Variants in SEL1L2 observed in about 807,000 individuals in gnomAD.
SEL1L2 encodes the protein SEL1L2 adaptor subunit of SYVN1 ubiquitin ligase.
SEL1L2 carries 89 observed loss-of-function variants against 98.8 expected under a neutral mutation model. The ratio of observed to expected loss-of-function variants is 0.90; its 90% CI spans 0.76 to 1.07. The LOEUF (loss-of-function observed/expected upper bound fraction) is 1.07, where lower values mean the gene tolerates loss of function less well. Ranked by LOEUF, SEL1L2 falls within the 50% of genes least tolerant of loss-of-function variation. SEL1L2 has a pLI of 0.00. For synonymous variants in SEL1L2, 262 were observed against 278.5 expected (o/e 0.94, Z 0.59); for missense variants, 788 against 812.0 (o/e 0.97, Z 0.36).
At position 13,990,455 on chromosome 20, in the gene SEL1L2, C is replaced by T. The variant is rs756934890; in HGVS notation, c.58+22G>A. The T allele has an allele frequency of 8.3e-6, 13 of 1,559,334 alleles. No homozygotes were observed. The South Asian group carries it at 1.2e-4, about 15-fold the overall frequency. ...AAAGAGAAGAGACCCTCATAGAGAACTCTAAGGACAAAAAAACTTACTTTT... is the reference window on the plus strand; with the variant it reads ...AAAGAGAAGAGACCCTCATAGAGAATTCTAAGGACAAAAAAACTTACTTTT... On this transcript the variant is annotated intron_variant, in intron 1 of 19. Transcript: ENST00000284951.
chr20:13,949,688 CA>C lies in SEL1L2; in HGVS notation c.114+6387del, dbSNP rs1178121070. 4.8e-3 allele frequency among the ~76,000 whole-genome samples: 655 copies of C among 135,290 alleles called. 7 individuals are homozygous for C. Among genetic ancestry groups the C allele is most frequent in the African/African-American group, 0.018 (626 of 34,854 alleles). The allele number at this position is 135,290 out of a possible 152,430, so 88.8% of individuals were successfully genotyped here. A position where few individuals can be genotyped will look rare whatever the true frequency, so the allele number is the denominator to read the frequency against. ...AAAACAAAAAACAAAAAACAAACAA[CA>C]AAAAAAACCAAACAAACAAAAAAGA... On this transcript the variant is annotated intron_variant, in intron 2 of 19. Coordinates refer to ENST00000284951, the MANE Select transcript of SEL1L2 (RefSeq NM_025229.2).
chr20:13,858,433 C>T (rs1225315355), intron 18 of SEL1L2, among the ~76,000 whole-genome samples: 1 of 152,070 alleles, frequency 6.6e-6, no homozygotes, highest in Non-Finnish European at 1.5e-5. Context: ...TTGACGAGCT[C>T]CGCAAGCTGG....
chr20:13,936,901 G>C (rs961749171), intron 2 of SEL1L2, among the ~76,000 whole-genome samples: 1 of 152,126 alleles, frequency 6.6e-6, no homozygotes, highest in African/African-American at 2.4e-5. Context: ...TCAGTTCTCA[G>C]GAAGAGCAGG....
intron 2 of SEL1L2, among the ~76,000 whole-genome samples, chr20:13,932,210 A>G (rs2049175531): frequency 1.3e-5 from 2 of 152,120 alleles, no homozygotes; most frequent in African/African-American, 4.8e-5. Context: ...AATATTTCCC[A>G]AAAGTCCTTT....
intron 11 of SEL1L2, among the ~76,000 whole-genome samples, 191 bp downstream of exon 11, chr20:13,877,329 T>G (rs1368832912): frequency 6.6e-6 from 1 of 152,040 alleles, no homozygotes; most frequent in South Asian, 2.1e-4. Flanking sequence ...AGATTTTTAA[T>G]TTTTAAATTT....
intron 3 of SEL1L2, among the ~76,000 whole-genome samples, chr20:13,929,010 A>C (rs957543536): frequency 3.3e-5 from 5 of 152,164 alleles, no homozygotes; most frequent in Non-Finnish European, 7.3e-5. Flanking sequence ...ACCCATCAAA[A>C]GGAGATTATT....
intron 18 of SEL1L2, among the ~76,000 whole-genome samples, chr20:13,852,402 A>G (rs1026580041): frequency 1.3e-5 from 2 of 152,152 alleles, no homozygotes; most frequent in Non-Finnish European, 2.9e-5. Context: ...GAAATTCTTG[A>G]ATGCTTCTAG....
At chr20:13,866,901 A>G in intron 14 of SEL1L2, 51 bp from the exon 15 acceptor site, 2 of 1,509,472 alleles carry the variant, frequency 1.3e-6, no homozygotes, top group Non-Finnish European at 1.8e-6. Flanking sequence ...TATTTTTTAT[A>G]TTATAATCTA....
At chr20:13,930,584 C>T (rs947072266) in intron 3 of SEL1L2, among the ~76,000 whole-genome samples, 4 of 152,188 alleles carry the variant, frequency 2.6e-5, no homozygotes, top group African/African-American at 9.7e-5. Flanking sequence ...ATTTCGATGT[C>T]ATATCTAGAG....
intron 18 of SEL1L2, among the ~76,000 whole-genome samples, chr20:13,857,664 T>C (rs776648583): frequency 2.6e-5 from 4 of 152,210 alleles, no homozygotes; most frequent in Non-Finnish European, 4.4e-5. Context: ...ATTTAACACA[T>C]GGAGTGGGGT....
intron 3 of SEL1L2, among the ~76,000 whole-genome samples, chr20:13,919,699 A>G (rs930134630): frequency 2.0e-5 from 3 of 152,208 alleles, no homozygotes; most frequent in Admixed American, 2.0e-4. Flanking sequence ...TGGGTGGATC[A>G]TGAAGTAAGG....
intron 5 of SEL1L2, among the ~76,000 whole-genome samples, chr20:13,891,078 G>A (rs1037143468): frequency 2.0e-5 from 3 of 151,996 alleles, no homozygotes; most frequent in African/African-American, 4.8e-5. Flanking sequence ...GAGAGAGAAA[G>A]GGACAGAGAG....
chr20:13,849,522 G>A lies in SEL1L2; in HGVS notation c.2030C>T (p.Pro677Leu), dbSNP rs1317316945. 6 of 1,613,944 alleles carry A rather than the reference G, an allele frequency of 3.7e-6. No homozygotes were observed. The highest frequency in any genetic ancestry group is 1.1e-5 in the South Asian group (1 of 91,078). ...WDLFVIGLIVPGLILLLRNHH... is the reference protein window; with the variant it reads ...WDLFVIGLIVLGLILLLRNHH... Reference sequence around the variant, plus strand: ...ATTTCTAAGCAACAAAATCAGCCCAGGAACAATGAGGCCAATCACAAATAA... The same window carrying A: ...ATTTCTAAGCAACAAAATCAGCCCAAGAACAATGAGGCCAATCACAAATAA... Residue 677 changes from proline (P) to leucine (L), a missense_variant, in exon 20 of 20, where the codon CCT (proline) becomes CTT (leucine). Coordinates refer to ENST00000284951, the MANE Select transcript of SEL1L2 (RefSeq NM_025229.2).
Position 13,968,365 on chromosome 20 carries a change from TGTGCCTGGCACA to T in SEL1L2, c.59-12246_59-12235del, listed in dbSNP as rs569470999. On this transcript the variant is annotated intron_variant, in intron 1 of 19. Coordinates refer to ENST00000284951, the MANE Select transcript of SEL1L2 (RefSeq NM_025229.2). ...AAGGATAGTTGAATAATTGATGCAATGTGCCTGGCACAGTGCCTGGCACAGTGCCTAGCGCAT... is the reference window on the plus strand; with the variant it reads ...AAGGATAGTTGAATAATTGATGCAATGTGCCTGGCACAGTGCCTAGCGCAT... Among the ~76,000 whole-genome samples, 255 of 152,372 alleles carry T rather than the reference TGTGCCTGGCACA, an allele frequency of 1.7e-3. 3 individuals carry two copies. The highest frequency in any genetic ancestry group is 0.01 in the Middle Eastern group (3 of 294).
intron 2 of SEL1L2, among the ~76,000 whole-genome samples, chr20:13,937,619 A>G (rs1007634590): frequency 6.6e-6 from 1 of 152,194 alleles, no homozygotes. Context: ...TTTTAGCTGA[A>G]CTAAGGAGCA....
At chr20:13,882,840 G>A (rs1197254114) in intron 10 of SEL1L2, among the ~76,000 whole-genome samples, 1 of 123,690 alleles carries the variant, frequency 8.1e-6, no homozygotes, top group Non-Finnish European at 1.6e-5. Context: ...TTTTTGAGAC[G>A]GAGTCTCGCT....
At chr20:13,958,073 C>A (rs774899966) in intron 1 of SEL1L2, among the ~76,000 whole-genome samples, 1 of 152,012 alleles carries the variant, frequency 6.6e-6, no homozygotes, top group Non-Finnish European at 1.5e-5. Flanking sequence ...ATATTGGGAC[C>A]ATGAATACTC....
chr20:13,919,126 A>G lies in SEL1L2; in HGVS notation c.284-3T>C, dbSNP rs749279769. On this transcript the variant is annotated splice_polypyrimidine_tract_variant and splice_region_variant and intron_variant, in intron 3 of 19. Transcript: ENST00000284951. Reference sequence around the variant, plus strand: ...ATTTTTCTCTGCTTGCTTTTGTACTATACATGAACAAACAAAAAATAAAAA... The same window carrying G: ...ATTTTTCTCTGCTTGCTTTTGTACTGTACATGAACAAACAAAAAATAAAAA... 75 of 1,513,392 alleles carry G rather than the reference A, an allele frequency of 5.0e-5. No homozygotes were observed. Among genetic ancestry groups the G allele is most frequent in the Non-Finnish European group, 6.8e-5 (75 of 1,103,616 alleles). 93.7% of individuals were successfully genotyped at this position (1,513,392 alleles called of 1,614,324 possible).
chr20:13,913,933 A>C lies in SEL1L2; in HGVS notation c.398T>G (p.Leu133Arg), dbSNP rs1161772493. 6.4e-7 allele frequency: 1 copy of C among 1,561,600 alleles called. No homozygotes were observed. The change falls in exon 5 of 20, where the codon CTT becomes CGT. Residue 133 changes from leucine to arginine, a missense_variant. Coordinates refer to ENST00000284951, the MANE Select transcript of SEL1L2 (RefSeq NM_025229.2). ...TCCCATGTCAGCTGCTTTGGCAAAA[A>C]GTAGGTAGGCTCTGTTTCAAGAATA... ...SQKQKEEAYL[L>R]FAKAADMGNL... is the part of the protein sequence containing the mutation.
Sources: allele counts gnomAD v4.1 joint callset (sites outside exome capture counted in the v4.1 genomes callset), GRCh38; gene constraint gnomAD v4.1.1; transcripts MANE v1.5; gene names NCBI Gene and HGNC (gene_info 2026-07-23, HGNC 2026-07-21).